The following OR10J1 variants were observed in gnomAD, a reference collection of about 807,000 sequenced individuals.
The protein encoded by OR10J1 is olfactory receptor 10J1.
For missense variants in OR10J1, 474 were observed against 376.6 expected, an observed-to-expected ratio of 1.26 and a Z score of -2.14; for synonymous variants, 202 against 143.8, an observed-to-expected ratio of 1.40 and a Z score of -2.89.
chr1:159,416,580 G>C, the OR10J1 span, among the ~76,000 whole-genome samples: 83 of 151,658 alleles, frequency 5.5e-4, no homozygotes, highest in Non-Finnish European at 8.3e-4. Context: ...TTTAGTATTA[G>C]GGTAATGCTG....
chr1:159,408,404 G>A, the OR10J1 span, among the ~76,000 whole-genome samples: 37 of 138,432 alleles, frequency 2.7e-4, no homozygotes, highest in Admixed American at 3.0e-3. Context: ...TCATAGGTGG[G>A]AATTGAACAA....
the OR10J1 span, chr1:159,432,640 T>G: frequency 5.8e-5 from 26 of 447,008 alleles, no homozygotes; most frequent in Non-Finnish European, 9.3e-5. Context: ...ATACAACTGG[T>G]CAGTGGATCC....
At chr1:159,416,427 A>G in the OR10J1 span, among the ~76,000 whole-genome samples, 1 of 148,718 alleles carries the variant, frequency 6.7e-6, no homozygotes, top group Non-Finnish European at 1.5e-5. Context: ...TCATCTATTG[A>G]GATGATCATA....
At chr1:159,405,988 A>G in the OR10J1 span, 1 of 451,796 alleles carries the variant, frequency 2.2e-6, no homozygotes. Context: ...AAGGGGTTGC[A>G]GAAGACCACA....
At chr1:159,435,694 T>C (rs570989135), upstream of OR10J1, among the ~76,000 whole-genome samples, 2 of 152,276 alleles carry the variant, frequency 1.3e-5, no homozygotes, top group Admixed American at 6.5e-5. Context: ...AAGACTCCCA[T>C]TGACAATTCC....
chr1:159,416,060 T>A, the OR10J1 span, among the ~76,000 whole-genome samples: 33 of 152,074 alleles, frequency 2.2e-4, no homozygotes, highest in Non-Finnish European at 3.1e-4. Flanking sequence ...TAAATTTATT[T>A]GTAGATTTAA....
chr1:159,427,302 T>A, the OR10J1 span, among the ~76,000 whole-genome samples: 4 of 151,488 alleles, frequency 2.6e-5, no homozygotes, highest in African/African-American at 9.7e-5. Flanking sequence ...TAAAAACAAA[T>A]AATTATGATG....
chr1:159,424,298 G>A, the OR10J1 span, among the ~76,000 whole-genome samples: 10 of 150,636 alleles, frequency 6.6e-5, no homozygotes, highest in African/African-American at 2.4e-4. Context: ...CATTAAAGAG[G>A]AAATAATTTA....
At chr1:159,429,513 C>A in the OR10J1 span, among the ~76,000 whole-genome samples, 11 of 152,258 alleles carry the variant, frequency 7.2e-5, no homozygotes, top group African/African-American at 2.6e-4. Flanking sequence ...CAGTCCAGGA[C>A]CTTATGCTGA....
the OR10J1 span, among the ~76,000 whole-genome samples, chr1:159,409,463 A>G: frequency 6.6e-6 from 1 of 151,804 alleles, no homozygotes; most frequent in Non-Finnish European, 1.5e-5. Context: ...CATACTCCGT[A>G]CTCTCTTTTT....
chr1:159,432,649 C>T, the OR10J1 span: 2 of 439,408 alleles, frequency 4.6e-6, no homozygotes, highest in Non-Finnish European at 8.2e-6. Context: ...GTCAGTGGAT[C>T]CTGGAACATT....
chr1:159,414,225 C>G, the OR10J1 span, among the ~76,000 whole-genome samples: 1 of 152,090 alleles, frequency 6.6e-6, no homozygotes, highest in East Asian at 1.9e-4. Context: ...CATTGACCAA[C>G]TTCTCTTCAT....
chr1:159,400,348 C>T, the OR10J1 span, among the ~76,000 whole-genome samples: 1 of 151,612 alleles, frequency 6.6e-6, no homozygotes, highest in Non-Finnish European at 1.5e-5. Context: ...CACCTATAGA[C>T]ACACATAGAA....
the OR10J1 span, among the ~76,000 whole-genome samples, chr1:159,426,444 T>C: frequency 6.6e-6 from 1 of 151,912 alleles, no homozygotes; most frequent in Non-Finnish European, 1.5e-5. Context: ...ACTAAGGAAC[T>C]TATGATGTTG....
At chr1:159,409,227 C>T in the OR10J1 span, among the ~76,000 whole-genome samples, 1 of 152,078 alleles carries the variant, frequency 6.6e-6, no homozygotes, top group Admixed American at 6.6e-5. Flanking sequence ...GGCATTTCCG[C>T]AGCTATTCTC....
At chr1:159,404,188 A>G in the OR10J1 span, among the ~76,000 whole-genome samples, 3 of 152,092 alleles carry the variant, frequency 2.0e-5, no homozygotes, top group East Asian at 1.9e-4. Context: ...AAGGCCTACT[A>G]TTTGATAGCA....
At chr1:159,403,054 C>T in the OR10J1 span, among the ~76,000 whole-genome samples, 1 of 152,070 alleles carries the variant, frequency 6.6e-6, no homozygotes, top group Admixed American at 6.6e-5. Context: ...ACTGGGTATA[C>T]ATATGCACAA....
chr1:159,400,652 G>A, the OR10J1 span, among the ~76,000 whole-genome samples: 7 of 150,322 alleles, frequency 4.7e-5, no homozygotes, highest in African/African-American at 1.7e-4. Context: ...AAAAACATAG[G>A]CCCCAATACA....
the OR10J1 span, among the ~76,000 whole-genome samples, chr1:159,398,572 A>T: frequency 2.0e-5 from 3 of 152,332 alleles, no homozygotes; most frequent in South Asian, 4.1e-4. Context: ...AATAATTTTA[A>T]GAAATCAAGC....
Sources: gnomAD v4.1 joint callset for allele counts (sites outside exome capture counted in the v4.1 genomes callset) on GRCh38, gnomAD v4.1.1 for gene constraint, MANE v1.5 for transcripts, NCBI Gene and HGNC (gene_info 2026-07-23, HGNC 2026-07-21) for gene names.